AKAP9: variants seen among roughly 807,000 people sequenced by gnomAD.
AKAP9 encodes the protein A-kinase anchoring protein 9, also known as A-kinase anchor protein 9.
Under a neutral mutation model 488.5 loss-of-function variants are expected in AKAP9, and 311 were observed. That is an observed-to-expected ratio of 0.64 (90% CI 0.58 to 0.70). The LOEUF is 0.70. AKAP9 is among the 30% of genes least tolerant of loss of function. The probability of loss-of-function intolerance (pLI) is 0.00; values close to 1 mark genes in which losing one functional copy is unlikely to be tolerated. For missense variants in AKAP9, 4,215 were observed against 4,374.5 expected (o/e 0.96, Z 1.03); for synonymous variants, 1,462 against 1,483.5 (o/e 0.99, Z 0.33).
Position 92,022,336 on chromosome 7 carries a change from C to G in AKAP9, c.3936C>G (p.Thr1312=). The change falls in exon 13 of 50, where the codon ACC becomes ACG. Residue 1312 remains threonine, a synonymous_variant. Transcript: ENST00000356239. ...TTTTATCAATCCATTCTCAGATGAC[C>G]AATTTGGAAGACATTGGTAAATTTT... is the stretch of plus-strand genomic sequence containing the variant. The part of the protein sequence containing the change: ...TEFLSIHSQM[T]NLEDIDVNHK... The G allele has an allele frequency of 6.2e-7, 1 of 1,607,390 alleles. No homozygotes were observed.
chr7:91,961,252 C>T (rs539216057), intron 1 of AKAP9, among the ~76,000 whole-genome samples: 52 of 152,044 alleles, frequency 3.4e-4, no homozygotes, highest in South Asian at 1.9e-3. Context: ...CTCCGCCTCC[C>T]GGGTTCAAGT....
At chr7:92,049,541 G>A (rs1245760879) in intron 21 of AKAP9, among the ~76,000 whole-genome samples, 1 of 152,094 alleles carries the variant, frequency 6.6e-6, no homozygotes. Context: ...AACCCCGGAG[G>A]CGGAGCTTTC....
Position 92,029,857 on chromosome 7 carries a change from A to G in AKAP9, c.4149-38A>G, listed in dbSNP as rs746559229. The G allele has an allele frequency of 7.2e-6, 11 of 1,529,418 alleles. No individual in the cohort carries two copies. The South Asian group carries it at 7.8e-5, about 11-fold the overall frequency. 94.7% of individuals were successfully genotyped at this position (1,529,418 alleles called of 1,614,324 possible). ...TTTGCATGAACACTAAAGCACATATACAACTCTAATTCTTTAACCTTTTTT... is the reference window on the plus strand; with the variant it reads ...TTTGCATGAACACTAAAGCACATATGCAACTCTAATTCTTTAACCTTTTTT... On this transcript the variant is annotated intron_variant, in intron 14 of 49. Coordinates refer to ENST00000356239, the MANE Select transcript of AKAP9 (RefSeq NM_005751.5).
chr7:92,008,453 C>T (rs961876612), intron 8 of AKAP9, among the ~76,000 whole-genome samples: 5 of 152,010 alleles, frequency 3.3e-5, no homozygotes, highest in African/African-American at 1.2e-4. Flanking sequence ...TTTGGTAGGC[C>T]GAGGTGGGTG....
chr7:92,001,966 T>G lies in AKAP9; in HGVS notation c.2049T>G (p.Phe683Leu). 1 of 1,613,050 alleles carries G rather than the reference T, an allele frequency of 6.2e-7. No homozygotes were observed. Among genetic ancestry groups the G allele is most frequent in the South Asian group, 1.1e-5 (1 of 90,948 alleles). The stretch of plus-strand genomic sequence containing the variant: ...GTCAAAAGATAGAAACCATGCAGTT[T>G]GAAAAGGACAATTTGATAACTAAGC... Reference protein sequence around the residue: ...EMSQKIETMQFEKDNLITKQN... With the variant: ...EMSQKIETMQLEKDNLITKQN... The change falls in exon 8 of 50, where the codon TTT (phenylalanine) becomes TTG (leucine). Residue 683 changes from phenylalanine to leucine, a missense_variant. Phe to Leu is a conservative substitution (Grantham distance 22). Around this residue, in one of 5 missense-constraint regions of AKAP9, gnomAD observed 2,361 missense variants for 2,430.0 expected, o/e 0.97. Transcript: ENST00000356239.
intron 38 of AKAP9, among the ~76,000 whole-genome samples, chr7:92,091,501 G>A (rs945335355): frequency 2.0e-5 from 3 of 149,164 alleles, no homozygotes; most frequent in South Asian, 2.1e-4. Context: ...CAGGAGAATC[G>A]TCTGAACTTA....
intron 11 of AKAP9, among the ~76,000 whole-genome samples, 184 bp downstream of exon 11, chr7:92,016,451 T>C (rs1801520150): frequency 6.6e-6 from 1 of 152,082 alleles, no homozygotes; most frequent in Admixed American, 6.5e-5. Context: ...TATAATGCGA[T>C]AATGGTGATA....
chr7:91,994,774 C>A lies in AKAP9; in HGVS notation c.730C>A (p.Gln244Lys), dbSNP rs1421848551. Reference sequence around the variant, plus strand: ...TCAAAAATTACAGATTCAATTTCAGCAAGTAAGTATTACTAATGCAACAAA... The same window carrying A: ...TCAAAAATTACAGATTCAATTTCAGAAAGTAAGTATTACTAATGCAACAAA... ...QSQKLQIQFQ[Q>K]LQASETLRNS... Residue 244 changes from glutamine (Q) to lysine (K), a missense_variant and splice_region_variant, in exon 6 of 50, where the codon CAA becomes AAA. Physicochemically the swap from Gln to Lys is moderately conservative, Grantham distance 53 (BLOSUM62 1). Transcript: ENST00000356239. 1.2e-6 allele frequency: 2 copies of A among 1,609,734 alleles called. No homozygotes were observed. Among genetic ancestry groups the A allele is most frequent in the Non-Finnish European group, 1.7e-6 (2 of 1,177,756 alleles).
rs564316582 is a variant in AKAP9 at position 92,095,936 on chromosome 7, T to C, written c.9730-753T>C. 3.9e-5 allele frequency among the ~76,000 whole-genome samples: 6 copies of C among 152,322 alleles called. No homozygotes were observed. In the South Asian group the frequency reaches 1.2e-3, roughly 32 times the overall value. ...TATTTTGAGTTATTTGCCCCTAACC[T>C]TGCTTTCGTTATAAGCCCTATTATT... On this transcript the variant is annotated intron_variant, in intron 40 of 49. Coordinates refer to ENST00000356239, the MANE Select transcript of AKAP9 (RefSeq NM_005751.5).
At chr7:92,030,732 A>G (rs960224679) in intron 15 of AKAP9, among the ~76,000 whole-genome samples, 1 of 151,930 alleles carries the variant, frequency 6.6e-6, no homozygotes, top group African/African-American at 2.4e-5. Context: ...TAAGGTCCGT[A>G]TGGTATATAA....
In AKAP9 at chr7:92,002,813, T is replaced by C. The variant is rs764032174; in HGVS notation, c.2896T>C (p.Leu966=). ...SQRLSDLSEQ[L]KQKHGEISFL... is the part of the protein sequence containing the mutation. ...GAGACTGTCTGATCTTTCTGAACAA[T>C]TGAAACAGAAACATGGTGAGATTAG... The change falls in exon 8 of 50, where the codon TTG becomes CTG. Residue 966 remains leucine, a synonymous_variant. Transcript: ENST00000356239. 6.2e-7 allele frequency: 1 copy of C among 1,613,632 alleles called. No individual in the cohort carries two copies. Among genetic ancestry groups the C allele is most frequent in the Non-Finnish European group, 8.5e-7 (1 of 1,179,700 alleles).
chr7:92,082,301 G>GAAT (rs1455337403), intron 31 of AKAP9, among the ~76,000 whole-genome samples: 1 of 152,102 alleles, frequency 6.6e-6, no homozygotes, highest in African/African-American at 2.4e-5. Flanking sequence ...TTTATTCCCA[G>GAAT]AAAATCATTC....
Position 91,989,664 on chromosome 7 carries a change from A to G in AKAP9, c.352-2494A>G, listed in dbSNP as rs911109938. Reference sequence around the variant, plus strand: ...ACCAAGTGCTTATATGGTTTATGACATTTATTTTAACCTCGTTAATTACTT... The same window carrying G: ...ACCAAGTGCTTATATGGTTTATGACGTTTATTTTAACCTCGTTAATTACTT... On this transcript the variant is annotated intron_variant, in intron 3 of 49. Transcript: ENST00000356239. 3.9e-5 allele frequency among the ~76,000 whole-genome samples: 6 copies of G among 152,008 alleles called. No individual in the cohort carries two copies. In the South Asian group the frequency reaches 1.2e-3, roughly 31 times the overall value.
At chr7:92,095,729 C>T (rs575805054) in intron 40 of AKAP9, among the ~76,000 whole-genome samples, 39 of 152,276 alleles carry the variant, frequency 2.6e-4, no homozygotes, top group African/African-American at 7.9e-4. Context: ...CTTCTAGCCA[C>T]GTAATCCTAA....
At chr7:92,082,048 C>A (rs550207535) in intron 31 of AKAP9, among the ~76,000 whole-genome samples, 1 of 152,144 alleles carries the variant, frequency 6.6e-6, no homozygotes, top group East Asian at 1.9e-4. Context: ...CTCATTGCAA[C>A]CTCTCCCTCC....
At chr7:92,094,052 T>C (rs997705273) in intron 39 of AKAP9, among the ~76,000 whole-genome samples, 6 of 151,742 alleles carry the variant, frequency 4.0e-5, no homozygotes, top group Admixed American at 2.6e-4. Context: ...AGTTTCACCA[T>C]GTTGACCATG....
intron 12 of AKAP9, among the ~76,000 whole-genome samples, chr7:92,019,236 G>C (rs1245574990): frequency 6.6e-6 from 1 of 151,810 alleles, no homozygotes; most frequent in East Asian, 1.9e-4. Flanking sequence ...CTGCCTCCCA[G>C]GTTCAAGCGA....
At chr7:91,948,692 A>C (rs539363354) in intron 1 of AKAP9, among the ~76,000 whole-genome samples, 6 of 147,134 alleles carry the variant, frequency 4.1e-5, no homozygotes, top group Non-Finnish European at 8.9e-5. Context: ...GCTCACTGCA[A>C]CCTCCACCTC....
At position 92,086,985 on chromosome 7, in the gene AKAP9, C is replaced by T. The variant is rs188325607; in HGVS notation, c.9213+569C>T. Among the ~76,000 whole-genome samples the T allele has an allele frequency of 3.9e-5, 6 of 152,250 alleles. No homozygotes were observed. The East Asian group carries it at 1.2e-3, about 29-fold the overall frequency. ...TTAGGAACACCATAAAGCACTTCAG[C>T]ACTACTTTTGGGGGCCATTCTAAAC... On this transcript the variant is annotated intron_variant, in intron 37 of 49. Transcript: ENST00000356239.
Sources: gnomAD v4.1 joint callset for allele counts (sites outside exome capture counted in the v4.1 genomes callset) on GRCh38, gnomAD v4.1.1 for gene constraint, gnomAD v4.1.1 regional missense constraint, MANE v1.5 for transcripts, NCBI Gene and HGNC (gene_info 2026-07-23, HGNC 2026-07-21) for gene names.